NME7: variants seen among roughly 807,000 people sequenced by gnomAD.
The protein encoded by NME7 is NME/NM23 family member 7.
NME7 carries 41 observed loss-of-function variants against 49.1 expected under a neutral mutation model. That is an observed-to-expected ratio of 0.83 (90% CI 0.65 to 1.08). The LOEUF (loss-of-function observed/expected upper bound fraction) is 1.08, where lower values mean the gene tolerates loss of function less well. NME7 is among the 50% of genes least tolerant of loss of function. The probability of loss-of-function intolerance (pLI) is 0.00; values close to 1 mark genes in which losing one functional copy is unlikely to be tolerated. For missense variants in NME7, 423 were observed against 463.4 expected (o/e 0.91, Z 0.80); for synonymous variants, 139 against 150.6 (o/e 0.92, Z 0.56).
At chr1:169,212,058 G>A (rs879516012) in intron 10 of NME7, among the ~76,000 whole-genome samples, 16 of 152,002 alleles carry the variant, frequency 1.1e-4, no homozygotes, top group South Asian at 1.0e-3. Context: ...TAACACCAAA[G>A]CAAAAGAAAT....
intron 2 of NME7, among the ~76,000 whole-genome samples, chr1:169,323,758 T>C (rs565643299): frequency 5.9e-5 from 9 of 152,116 alleles, no homozygotes; most frequent in Admixed American, 1.3e-4. Context: ...AATGAGGACG[T>C]ATTTATGACC....
intron 10 of NME7, among the ~76,000 whole-genome samples, chr1:169,195,375 CTTAT>C (rs956922217): frequency 6.6e-6 from 1 of 152,010 alleles, no homozygotes; most frequent in South Asian, 2.1e-4. Context: ...CCACACCTGG[CTTAT>C]TTATTTATCT....
chr1:169,292,845 A>G (rs35393101), intron 6 of NME7, among the ~76,000 whole-genome samples: 37,217 of 152,074 alleles, frequency 0.24, 5,524 homozygotes, highest in Non-Finnish European at 0.34. Context: ...AGGAATACAG[A>G]GAAAGGGAAT....
intron 10 of NME7, among the ~76,000 whole-genome samples, chr1:169,203,546 A>T (rs1174866131): frequency 1.3e-5 from 2 of 152,154 alleles, no homozygotes; most frequent in Admixed American, 1.3e-4. Context: ...ATGTATTACA[A>T]TTAGGCCTTA....
At chr1:169,340,621 A>G (rs1403440900) in intron 1 of NME7, among the ~76,000 whole-genome samples, 1 of 152,220 alleles carries the variant, frequency 6.6e-6, no homozygotes, top group Non-Finnish European at 1.5e-5. Context: ...TGGACTTCCT[A>G]AAGAATTGTT....
chr1:169,190,666 T>A (rs1187639304), intron 10 of NME7: 1 of 446,252 alleles, frequency 2.2e-6, no homozygotes, highest in Admixed American at 2.4e-5. Flanking sequence ...CTTCTTTAGT[T>A]TGCCTAAATT....
intron 10 of NME7, among the ~76,000 whole-genome samples, chr1:169,173,275 C>G (rs1379395745): frequency 3.3e-5 from 5 of 152,070 alleles, no homozygotes; most frequent in African/African-American, 7.2e-5. Context: ...CAAAGATAAT[C>G]TAACCAAATA....
At chr1:169,356,382 G>A (rs1337531628) in intron 1 of NME7, among the ~76,000 whole-genome samples, 1 of 152,032 alleles carries the variant, frequency 6.6e-6, no homozygotes, top group East Asian at 1.9e-4. Context: ...ACTTTAGAAA[G>A]GTGGACAAGG....
chr1:169,360,501 G>T (rs978069245), intron 1 of NME7, among the ~76,000 whole-genome samples: 1 of 152,164 alleles, frequency 6.6e-6, no homozygotes, highest in Non-Finnish European at 1.5e-5. Flanking sequence ...TCCCTCCCAA[G>T]TTCCATAAGT....
intron 11 of NME7, among the ~76,000 whole-genome samples, chr1:169,136,621 C>A (rs191770751): frequency 6.6e-6 from 1 of 152,316 alleles, no homozygotes; most frequent in Non-Finnish European, 1.5e-5. Context: ...CCACTTCCTT[C>A]CCCTCCTTCT....
At chr1:169,244,410 G>A (rs901810065) in intron 7 of NME7, among the ~76,000 whole-genome samples, 2 of 151,470 alleles carry the variant, frequency 1.3e-5, no homozygotes, top group African/African-American at 2.4e-5. Flanking sequence ...AAGGTGGGAG[G>A]ATGATGAGAT....
intron 10 of NME7, among the ~76,000 whole-genome samples, chr1:169,181,994 A>C (rs1233744164): frequency 6.6e-6 from 1 of 151,708 alleles, no homozygotes; most frequent in African/African-American, 2.4e-5. Flanking sequence ...ATTCACTACT[A>C]TCATATATCT....
intron 10 of NME7, among the ~76,000 whole-genome samples, chr1:169,185,659 G>T (rs1163560350): frequency 6.6e-6 from 1 of 152,048 alleles, no homozygotes; most frequent in Non-Finnish European, 1.5e-5. Flanking sequence ...GCTACAAAGG[G>T]TATTTTAGCA....
At chr1:169,237,814 G>A in intron 7 of NME7, 127 bp from the exon 8 acceptor site, 1 of 629,728 alleles carries the variant, frequency 1.6e-6, no homozygotes, top group East Asian at 2.8e-5. Flanking sequence ...CACATATTTT[G>A]CAAGAGAAAC....
intron 7 of NME7, chr1:169,283,672 C>T (rs1650138853): frequency 6.6e-6 from 1 of 152,290 alleles, no homozygotes; most frequent in African/African-American, 2.4e-5. Flanking sequence ...ATTTGCTTGT[C>T]TGTAAAGGAT....
chr1:169,222,166 C>T (rs1164657757), intron 10 of NME7, among the ~76,000 whole-genome samples: 1 of 152,162 alleles, frequency 6.6e-6, no homozygotes, highest in Non-Finnish European at 1.5e-5. Flanking sequence ...TGCTTCCTTT[C>T]TTCATTTTCC....
At chr1:169,255,501 TCTTGA>T (rs1648887487) in intron 7 of NME7, among the ~76,000 whole-genome samples, 1 of 124,108 alleles carries the variant, frequency 8.1e-6, no homozygotes, top group African/African-American at 2.9e-5. Flanking sequence ...CACTGATGGG[TCTTGA>T]CTCTTTATCC....
At chr1:169,291,245 G>C (rs1316969851) in intron 6 of NME7, among the ~76,000 whole-genome samples, 2 of 152,114 alleles carry the variant, frequency 1.3e-5, no homozygotes, top group Non-Finnish European at 2.9e-5. Context: ...CAATAGCAAA[G>C]ACTTGGAACC....
At chr1:169,253,805 C>G (rs1161088273) in intron 7 of NME7, among the ~76,000 whole-genome samples, 1 of 151,524 alleles carries the variant, frequency 6.6e-6, no homozygotes, top group African/African-American at 2.4e-5. Context: ...GCTTTTTCTG[C>G]ATCTATTGAG....
Sources: gnomAD v4.1 joint callset for allele counts (sites outside exome capture counted in the v4.1 genomes callset) on GRCh38, gnomAD v4.1.1 for gene constraint, MANE v1.5 for transcripts, NCBI Gene and HGNC (gene_info 2026-07-23, HGNC 2026-07-21) for gene names.